Variants in PUDP observed in about 807,000 individuals in gnomAD.
The protein encoded by PUDP is pseudouridine 5'-phosphatase.
In PUDP, 8 loss-of-function variants were observed where a neutral mutation model predicts 9.4. The ratio of observed to expected loss-of-function variants is 0.85; its 90% CI spans 0.50 to 1.53. The LOEUF is 1.53. PUDP is among the 40% of genes most tolerant of loss of function. PUDP has a pLI of 0.00. For synonymous variants in PUDP, 99 were observed against 80.7 expected (o/e 1.23, Z -1.22); for missense variants, 188 against 189.7 (o/e 0.99, Z 0.05).
At chrX:7,122,763 C>T (rs1265619510) in intron 1 of PUDP, among the ~76,000 whole-genome samples, 2 of 112,105 alleles carry the variant, frequency 1.8e-5, no homozygotes, top group Non-Finnish European at 3.8e-5. Context: ...TTTCTCTGAA[C>T]AGACCTTCTC....
intron 2 of PUDP, among the ~76,000 whole-genome samples, chrX:7,098,120 G>A (rs1454605148): frequency 8.9e-6 from 1 of 112,315 alleles, no homozygotes; most frequent in Non-Finnish European, 1.9e-5. Flanking sequence ...GCCACTCACT[G>A]GGCCAGGTGT....
chrX:7,130,241 G>A (rs1278129435), intron 1 of PUDP, among the ~76,000 whole-genome samples: 1 of 110,922 alleles, frequency 9.0e-6, no homozygotes, highest in African/African-American at 3.3e-5. Flanking sequence ...GATTAAGCCT[G>A]AAGTGGCAGG....
At chrX:6,743,996 G>T (rs192552943) in intron 3 of PUDP, among the ~76,000 whole-genome samples, 103 of 111,488 alleles carry the variant, frequency 9.2e-4, no homozygotes, top group Admixed American at 2.7e-3. Context: ...TCACCCAGTG[G>T]CATCTCTTAG....
chrX:6,892,661 T>A (rs1927532879), intron 3 of PUDP, among the ~76,000 whole-genome samples: 1 of 111,443 alleles, frequency 9.0e-6, no homozygotes, highest in East Asian at 2.8e-4. Context: ...GCAAACCATA[T>A]CAGAGCCCTA....
At chrX:7,146,976 T>C (rs1433721507) in intron 1 of PUDP, among the ~76,000 whole-genome samples, 1 of 110,363 alleles carries the variant, frequency 9.1e-6, no homozygotes, top group African/African-American at 3.3e-5. Flanking sequence ...TATAGATATA[T>C]GAAGCCTCCT....
At chrX:6,913,993 C>T (rs752478072) in intron 3 of PUDP, among the ~76,000 whole-genome samples, 1 of 109,528 alleles carries the variant, frequency 9.1e-6, no homozygotes, top group Admixed American at 9.8e-5. Context: ...CAGTGAAACC[C>T]CGTCTCTACT....
At chrX:7,083,787 G>A (rs1160643137) in intron 2 of PUDP, among the ~76,000 whole-genome samples, 5 of 109,357 alleles carry the variant, frequency 4.6e-5, no homozygotes, top group African/African-American at 1.3e-4. Flanking sequence ...TGTAATCCCA[G>A]CTACTCGAGA....
At chrX:6,853,456 T>TA (rs1404123742) in intron 3 of PUDP, among the ~76,000 whole-genome samples, 1 of 109,304 alleles carries the variant, frequency 9.1e-6, no homozygotes, top group Non-Finnish European at 1.9e-5. Flanking sequence ...TGTGTGTGTT[T>TA]TTTTTTTTAA....
chrX:6,925,892 G>A (rs1454077650), intron 3 of PUDP, among the ~76,000 whole-genome samples: 5 of 111,796 alleles, frequency 4.5e-5, no homozygotes, highest in Non-Finnish European at 7.5e-5. Context: ...ATGATGGCCT[G>A]TAGGGGTGAC....
At chrX:6,964,490 T>C (rs975257404) in intron 3 of PUDP, among the ~76,000 whole-genome samples, 2 of 110,638 alleles carry the variant, frequency 1.8e-5, no homozygotes, top group African/African-American at 6.6e-5. Context: ...TTGCGCAACA[T>C]AGTGAGACTC....
intron 1 of PUDP, among the ~76,000 whole-genome samples, chrX:7,132,941 A>G (rs1053156110): frequency 8.9e-6 from 1 of 111,929 alleles, no homozygotes; most frequent in Admixed American, 9.5e-5. Flanking sequence ...AAATATTGCT[A>G]TTAGATCAGA....
At chrX:6,721,761 T>C (rs1924676383), upstream of PUDP, among the ~76,000 whole-genome samples, 1 of 112,114 alleles carries the variant, frequency 8.9e-6, no homozygotes, top group Non-Finnish European at 1.9e-5. Flanking sequence ...AATTAAGCTC[T>C]ATATTCCATG....
At chrX:6,752,953 A>G (rs192743445) in intron 3 of PUDP, among the ~76,000 whole-genome samples, 1 of 111,812 alleles carries the variant, frequency 8.9e-6, no homozygotes, top group East Asian at 2.8e-4. Flanking sequence ...AATACAATTT[A>G]TATACACAAA....
rs200547371 is a variant in PUDP, at chrX:6,834,874, G to A, written c.*248-128408C>T. Among the ~76,000 whole-genome samples the A allele has an allele frequency of 1.6e-4, 18 of 110,331 alleles. 1 individual carries two copies. In the East Asian group the frequency reaches 5.1e-3, roughly 31 times the overall value. On this transcript the variant is annotated intron_variant and NMD_transcript_variant, in intron 3 of 3. Transcript: ENST00000655425. ...TAATCAACATTAATCCACTCATGAG[G>A]GTGCAGCCTCCAGGACCCAAACACC...
At chrX:6,915,656 G>A (rs149456807) in intron 3 of PUDP, among the ~76,000 whole-genome samples, 1,784 of 111,790 alleles carry the variant, frequency 0.016, 16 homozygotes, top group Non-Finnish European at 0.025. Context: ...TGAAAACAGA[G>A]TACATTTCTT....
At chrX:7,070,162 G>A (rs1238109876) in intron 3 of PUDP, among the ~76,000 whole-genome samples, 2 of 112,127 alleles carry the variant, frequency 1.8e-5, no homozygotes, top group Non-Finnish European at 3.8e-5. Context: ...AAGTGCCCTC[G>A]TGCCAGGAAA....
chrX:6,726,493 T>C (rs772555457), upstream of PUDP, among the ~76,000 whole-genome samples: 1 of 112,213 alleles, frequency 8.9e-6, no homozygotes, highest in East Asian at 2.8e-4. Flanking sequence ...ATTAACCTGA[T>C]TTGATCATGA....
At chrX:7,105,595 C>G in intron 2 of PUDP, 25 bp downstream of exon 2, 1 of 1,118,206 alleles carries the variant, frequency 8.9e-7, no homozygotes. Flanking sequence ...CAAACATAAC[C>G]CTGCAAACAG....
intron 3 of PUDP, among the ~76,000 whole-genome samples, chrX:6,844,034 T>C (rs1435174333): frequency 8.9e-6 from 1 of 112,435 alleles, no homozygotes; most frequent in Non-Finnish European, 1.9e-5. Flanking sequence ...GGAGAATCCA[T>C]TGATTGTATT....
Sources: gnomAD v4.1 joint callset for allele counts (sites outside exome capture counted in the v4.1 genomes callset) on GRCh38, gnomAD v4.1.1 for gene constraint, MANE v1.5 for transcripts, NCBI Gene and HGNC (gene_info 2026-07-23, HGNC 2026-07-21) for gene names.